SORCS3: variants seen among roughly 807,000 people sequenced by gnomAD.
The protein encoded by SORCS3 is sortilin related VPS10 domain containing receptor 3.
A neutral mutation model predicts 146.3 loss-of-function variants in SORCS3; 57 were observed. That is an observed-to-expected ratio of 0.39 (90% CI 0.31 to 0.49). The LOEUF (loss-of-function observed/expected upper bound fraction) is 0.49, where lower values mean the gene tolerates loss of function less well. SORCS3 is among the 20% of genes least tolerant of loss of function. SORCS3 has a pLI of 0.92. For missense variants in SORCS3, 1,341 were observed against 1,575.5 expected (o/e 0.85, Z 2.52); for synonymous variants, 653 against 618.5 (o/e 1.06, Z -0.83).
intron 1 of SORCS3, among the ~76,000 whole-genome samples, chr10:104,652,108 A>C (rs924418913): frequency 2.0e-5 from 3 of 150,982 alleles, no homozygotes; most frequent in Non-Finnish European, 4.4e-5. Context: ...AAATGGGTGC[A>C]TTATTAGTAA....
chr10:105,214,401 A>G (rs1208185261), intron 17 of SORCS3, 41 bp from the exon 18 acceptor site: 2 of 1,610,300 alleles, frequency 1.2e-6, no homozygotes, highest in East Asian at 4.5e-5. Flanking sequence ...CAACAACAAC[A>G]CAATCAACAC....
intron 4 of SORCS3, among the ~76,000 whole-genome samples, chr10:104,991,648 C>G (rs1412193979): frequency 2.0e-5 from 3 of 151,916 alleles, no homozygotes; most frequent in Non-Finnish European, 4.4e-5. Flanking sequence ...ACTGCAGGTG[C>G]GTGCCACCAT....
At chr10:104,788,192 A>T (rs1002630831) in intron 1 of SORCS3, among the ~76,000 whole-genome samples, 2 of 152,254 alleles carry the variant, frequency 1.3e-5, no homozygotes, top group Middle Eastern at 6.8e-3. Flanking sequence ...GAATCAGGCA[A>T]TGGTTGAGTT....
intron 13 of SORCS3, among the ~76,000 whole-genome samples, chr10:105,171,524 C>T (rs2056359795): frequency 6.6e-6 from 1 of 152,212 alleles, no homozygotes; most frequent in Non-Finnish European, 1.5e-5. Flanking sequence ...GAAAGGAAAA[C>T]ATCACCTGGC....
chr10:105,095,632 G>A lies in SORCS3; in HGVS notation c.1093+5793G>A, dbSNP rs183538227. ...GAAGTGTGGGCACCAGCAGCCATTA[G>A]GTACCACTCTTTCTGCTCAATCTCC... On this transcript the variant is annotated intron_variant, in intron 6 of 26. Coordinates refer to ENST00000369701, the MANE Select transcript of SORCS3 (RefSeq NM_014978.3). Among the ~76,000 whole-genome samples the A allele has an allele frequency of 2.6e-3, 390 of 152,064 alleles. 4 individuals carry two copies. Among genetic ancestry groups the A allele is most frequent in the Non-Finnish European group, 6.0e-4 (41 of 67,970 alleles).
intron 20 of SORCS3, among the ~76,000 whole-genome samples, chr10:105,228,050 C>T (rs2056744547): frequency 6.9e-6 from 1 of 144,054 alleles, no homozygotes; most frequent in Non-Finnish European, 1.5e-5. Context: ...TGTTTTAAAT[C>T]CATTTCATTA....
At chr10:104,711,656 G>C (rs1381854463) in intron 1 of SORCS3, among the ~76,000 whole-genome samples, 1 of 152,212 alleles carries the variant, frequency 6.6e-6, no homozygotes, top group African/African-American at 2.4e-5. Flanking sequence ...CCAAGTTGTG[G>C]CCCCTCCTCT....
intron 1 of SORCS3, among the ~76,000 whole-genome samples, chr10:104,743,713 T>C (rs1312242379): frequency 1.3e-5 from 2 of 152,082 alleles, no homozygotes; most frequent in Non-Finnish European, 2.9e-5. Flanking sequence ...GTCTCCATAT[T>C]CTCCCCTAAG....
chr10:105,034,537 A>T (rs926482633), intron 4 of SORCS3, among the ~76,000 whole-genome samples: 1 of 151,998 alleles, frequency 6.6e-6, no homozygotes, highest in African/African-American at 2.4e-5. Context: ...GAAGGAAATC[A>T]CTCTATTTCA....
intron 1 of SORCS3, among the ~76,000 whole-genome samples, chr10:104,738,464 T>C (rs2016802555): frequency 6.6e-6 from 1 of 152,190 alleles, no homozygotes; most frequent in Non-Finnish European, 1.5e-5. Context: ...CCTGGTAATA[T>C]CAGAAGATCC....
intron 1 of SORCS3, among the ~76,000 whole-genome samples, chr10:104,682,798 T>C (rs2015995259): frequency 6.6e-6 from 1 of 152,338 alleles, no homozygotes; most frequent in South Asian, 2.1e-4. Flanking sequence ...GCTGTGGGTC[T>C]GGTACCAGGA....
rs146293551 is a variant in SORCS3, at chr10:104,959,896, A to T, written c.796-17439A>T. 2.2e-3 allele frequency among the ~76,000 whole-genome samples: 336 copies of T among 152,234 alleles called. 2 individuals carry two copies. The highest frequency in any genetic ancestry group is 7.8e-3 in the African/African-American group (325 of 41,556). On this transcript the variant is annotated intron_variant, in intron 3 of 26. Coordinates refer to ENST00000369701, the MANE Select transcript of SORCS3 (RefSeq NM_014978.3). ...AATGTCTCTCCTCTGGGTGAACAGG[A>T]TCAGTCCCTCTTGTCCTTTCCTCAG...
intron 1 of SORCS3, among the ~76,000 whole-genome samples, chr10:104,778,815 G>A (rs967094172): frequency 6.6e-6 from 1 of 152,144 alleles, no homozygotes; most frequent in Non-Finnish European, 1.5e-5. Flanking sequence ...GGCATTACTG[G>A]CCTTACAGAT....
chr10:105,075,938 T>A (rs1589620598), intron 5 of SORCS3, among the ~76,000 whole-genome samples: 1 of 152,192 alleles, frequency 6.6e-6, no homozygotes. Flanking sequence ...ACCAGTCCAG[T>A]GCTCTTTCCA....
At chr10:105,236,911 C>T (rs1213145940) in intron 20 of SORCS3, among the ~76,000 whole-genome samples, 1 of 152,078 alleles carries the variant, frequency 6.6e-6, no homozygotes, top group Admixed American at 6.6e-5. Context: ...TCTGTCTCTC[C>T]ACTTCTCTAT....
intron 1 of SORCS3, among the ~76,000 whole-genome samples, chr10:104,797,613 A>T (rs973118992): frequency 2.0e-5 from 3 of 152,104 alleles, no homozygotes; most frequent in Non-Finnish European, 2.9e-5. Flanking sequence ...TAATCTTTAG[A>T]GCAATGTCTA....
At chr10:105,116,564 G>C (rs999351900) in intron 7 of SORCS3, among the ~76,000 whole-genome samples, 1 of 152,058 alleles carries the variant, frequency 6.6e-6, no homozygotes, top group Non-Finnish European at 1.5e-5. Context: ...AAATTGTTCT[G>C]TTGTAAAGAC....
chr10:104,722,599 A>G (rs2016563731), intron 1 of SORCS3, among the ~76,000 whole-genome samples: 2 of 152,318 alleles, frequency 1.3e-5, no homozygotes, highest in African/African-American at 2.4e-5. Context: ...CTGTGAATCC[A>G]ACTGGTCCTG....
At chr10:105,257,439 A>G (rs185349929) in intron 25 of SORCS3, among the ~76,000 whole-genome samples, 305 of 152,282 alleles carry the variant, frequency 2.0e-3, no homozygotes, top group African/African-American at 7.2e-3. Flanking sequence ...TTCCTATTCT[A>G]AAGAGAAATT....
Sources: allele counts gnomAD v4.1 joint callset (sites outside exome capture counted in the v4.1 genomes callset), GRCh38; gene constraint gnomAD v4.1.1; transcripts MANE v1.5; gene names NCBI Gene and HGNC (gene_info 2026-07-23, HGNC 2026-07-21).